EEF1AKMT2: variants seen among roughly 807,000 people sequenced by gnomAD.
The protein encoded by EEF1AKMT2 is eukaryotic translation elongation factor 1 alpha lysine methyltransferase 2.
A neutral mutation model predicts 35.8 loss-of-function variants in EEF1AKMT2; 32 were observed. The ratio of observed to expected loss-of-function variants is 0.89; its 90% CI spans 0.67 to 1.20. The LOEUF is 1.20. Among genes scored for constraint, EEF1AKMT2 ranks in the 50% most tolerant of loss-of-function variants. The probability of loss-of-function intolerance (pLI) is 0.00; values close to 1 mark genes in which losing one functional copy is unlikely to be tolerated. For synonymous variants in EEF1AKMT2, 121 were observed against 133.7 expected (o/e 0.91, Z 0.65); for missense variants, 330 against 347.5 (o/e 0.95, Z 0.40).
chr10:124,763,598 C>T (rs1260183912), intron 5 of EEF1AKMT2, among the ~76,000 whole-genome samples: 3 of 152,104 alleles, frequency 2.0e-5, no homozygotes, highest in Non-Finnish European at 2.9e-5. Flanking sequence ...TAATATTTTG[C>T]TTAAATTCTG....
chr10:124,763,736 G>A (rs1417605905), intron 5 of EEF1AKMT2, among the ~76,000 whole-genome samples: 2 of 151,990 alleles, frequency 1.3e-5, no homozygotes, highest in East Asian at 3.8e-4. Context: ...TTTGTCTGCT[G>A]GTTCTAGGAG....
chr10:124,769,013 G>C (rs1950404257), intron 4 of EEF1AKMT2, among the ~76,000 whole-genome samples: 1 of 150,536 alleles, frequency 6.6e-6, no homozygotes, highest in East Asian at 2.0e-4. Context: ...CAGATTGTTT[G>C]AGGCCAGGAA....
At chr10:124,761,330 T>C (rs1950329758) in intron 6 of EEF1AKMT2, among the ~76,000 whole-genome samples, 1 of 152,124 alleles carries the variant, frequency 6.6e-6, no homozygotes. Context: ...TGGAGAAGGG[T>C]AGTGATGACA....
chr10:124,788,790 G>C (rs918300821), intron 3 of EEF1AKMT2, among the ~76,000 whole-genome samples: 4 of 139,278 alleles, frequency 2.9e-5, no homozygotes, highest in Admixed American at 7.9e-5. Flanking sequence ...CAACCCTTAG[G>C]AAAGAACAGA....
At chr10:124,769,184 C>T (rs1370372835) in intron 4 of EEF1AKMT2, among the ~76,000 whole-genome samples, 6 of 125,056 alleles carry the variant, frequency 4.8e-5, no homozygotes, top group Non-Finnish European at 9.6e-5. Flanking sequence ...CACCACCGCA[C>T]TCCAGCCTGG....
At chr10:124,761,966 T>C (rs925155182) in intron 6 of EEF1AKMT2, among the ~76,000 whole-genome samples, 3 of 152,198 alleles carry the variant, frequency 2.0e-5, no homozygotes, top group African/African-American at 7.2e-5. Context: ...CCAATCAAGG[T>C]TTTCCCTCAT....
rs779224638 is a variant in EEF1AKMT2, at chr10:124,765,550, T to C, written c.458A>G (p.Lys153Arg). 2.5e-6 allele frequency: 4 copies of C among 1,613,990 alleles called. No individual in the cohort carries two copies. The highest frequency in any genetic ancestry group is 3.3e-5 in the Admixed American group (2 of 60,026). Residue 153 changes from lysine to arginine, a missense_variant, in exon 5 of 7, where the codon AAA becomes AGA. Coordinates refer to ENST00000368836, the MANE Select transcript of EEF1AKMT2 (RefSeq NM_212554.4). The part of the protein sequence containing the change: ...QLSGFHICID[K>R]GTFDAISLNP... ...AAGGCTTATGGCATCAAAAGTCCCT[T>C]TGTCAATACAAATATGAAATCCAGA...
chr10:124,784,977 G>A lies in EEF1AKMT2; in HGVS notation c.291+4066C>T, dbSNP rs879211834. On this transcript the variant is annotated intron_variant, in intron 3 of 6. Coordinates refer to ENST00000368836, the MANE Select transcript of EEF1AKMT2 (RefSeq NM_212554.4). The stretch of plus-strand genomic sequence containing the variant: ...TAAATGTAAAAGGTAGGCTGGGCGC[G>A]GTGGCTCACCCCTGCACCCCCAGCA... 6.0e-5 allele frequency among the ~76,000 whole-genome samples: 9 copies of A among 150,724 alleles called. 1 individual carries two copies. The South Asian group carries it at 6.3e-4, about 11-fold the overall frequency.
chr10:124,777,476 A>G (rs1418301830), intron 3 of EEF1AKMT2, among the ~76,000 whole-genome samples: 1 of 151,878 alleles, frequency 6.6e-6, no homozygotes, highest in African/African-American at 2.4e-5. Flanking sequence ...ACTGTACCGA[A>G]TACTGGAGGC....
At chr10:124,760,648 T>C (rs1461307990) in intron 6 of EEF1AKMT2, 145 bp from the exon 7 acceptor site, 1 of 617,436 alleles carries the variant, frequency 1.6e-6, no homozygotes, top group Non-Finnish European at 2.8e-6. Flanking sequence ...CACTTCATGA[T>C]TTTTCAATTC....
At chr10:124,778,935 C>A (rs1950512120) in intron 3 of EEF1AKMT2, among the ~76,000 whole-genome samples, 1 of 151,910 alleles carries the variant, frequency 6.6e-6, no homozygotes, top group Non-Finnish European at 1.5e-5. Context: ...GGAAAAGTAA[C>A]CATCAAAAAT....
At chr10:124,757,492 T>C (rs1243431995), downstream of EEF1AKMT2, among the ~76,000 whole-genome samples, 1 of 152,134 alleles carries the variant, frequency 6.6e-6, no homozygotes, top group African/African-American at 2.4e-5. Context: ...TTTCTTTGTA[T>C]ACCAATTTGA....
chr10:124,767,861 C>G lies in EEF1AKMT2; in HGVS notation c.400-2253G>C, dbSNP rs370209918. Among the ~76,000 whole-genome samples the G allele has an allele frequency of 7.9e-5, 12 of 152,244 alleles. No individual in the cohort carries two copies. The South Asian group carries it at 1.0e-3, about 13-fold the overall frequency. ...ATTAGCTGGGCGTGGTGGCGCATGCCAGTAATCCCAGCTAATCGGGAGGCT... is the reference window on the plus strand; with the variant it reads ...ATTAGCTGGGCGTGGTGGCGCATGCGAGTAATCCCAGCTAATCGGGAGGCT... On this transcript the variant is annotated intron_variant, in intron 4 of 6. Coordinates refer to ENST00000368836, the MANE Select transcript of EEF1AKMT2 (RefSeq NM_212554.4).
chr10:124,780,470 T>C (rs1255250753), intron 3 of EEF1AKMT2, among the ~76,000 whole-genome samples: 1 of 152,196 alleles, frequency 6.6e-6, no homozygotes, highest in East Asian at 1.9e-4. Flanking sequence ...AATTGCAATG[T>C]GTGGACTTAA....
chr10:124,781,006 C>T (rs1171441951), intron 3 of EEF1AKMT2, among the ~76,000 whole-genome samples: 5 of 151,664 alleles, frequency 3.3e-5, no homozygotes, highest in East Asian at 2.0e-4. Flanking sequence ...AATGCAGTGG[C>T]GCGATCTTGG....
chr10:124,784,998 C>T (rs2134141522), intron 3 of EEF1AKMT2, among the ~76,000 whole-genome samples: 1 of 150,458 alleles, frequency 6.6e-6, no homozygotes, highest in East Asian at 2.0e-4. Context: ...CCTGCACCCC[C>T]AGCACTTTGG....
chr10:124,767,175 A>C lies in EEF1AKMT2; in HGVS notation c.400-1567T>G, dbSNP rs571864228. The stretch of plus-strand genomic sequence containing the variant: ...GACTCCATCTTAAAAAAAAAAAAAA[A>C]AAAAAAAACAGTAAACAAAATAGAA... On this transcript the variant is annotated intron_variant, in intron 4 of 6. Transcript: ENST00000368836. Among the ~76,000 whole-genome samples the C allele has an allele frequency of 1.3e-3, 192 of 150,588 alleles. 1 individual carries two copies. The highest frequency in any genetic ancestry group is 4.5e-3 in the African/African-American group (183 of 40,960).
chr10:124,784,602 G>GA lies in EEF1AKMT2; in HGVS notation c.291+4440dup, dbSNP rs780296177. Among the ~76,000 whole-genome samples the GA allele has an allele frequency of 6.3e-3, 884 of 139,234 alleles. 2 individuals are homozygous for GA. The highest frequency in any genetic ancestry group is 0.043 in the Middle Eastern group (12 of 278). The allele number at this position is 139,234 out of a possible 152,430, so 91.3% of individuals were successfully genotyped here. A position where few individuals can be genotyped will look rare whatever the true frequency, so the allele number is the denominator to read the frequency against. ...AAAAGGAACAAAGTAAAATCAGGAAGAAAAAAAAAAAGAACAGAACTCAAT... is the reference window on the plus strand; with the variant it reads ...AAAAGGAACAAAGTAAAATCAGGAAGAAAAAAAAAAAAGAACAGAACTCAAT... On this transcript the variant is annotated intron_variant, in intron 3 of 6. Coordinates refer to ENST00000368836, the MANE Select transcript of EEF1AKMT2 (RefSeq NM_212554.4).
At chr10:124,787,713 TC>T (rs1039688328) in intron 3 of EEF1AKMT2, among the ~76,000 whole-genome samples, 1 of 150,594 alleles carries the variant, frequency 6.6e-6, no homozygotes, top group Non-Finnish European at 1.5e-5. Context: ...ACCAGTGCAC[TC>T]CTACCTGGGT....
Sources: gnomAD v4.1 joint callset for allele counts (sites outside exome capture counted in the v4.1 genomes callset) on GRCh38, gnomAD v4.1.1 for gene constraint, MANE v1.5 for transcripts, NCBI Gene and HGNC (gene_info 2026-07-23, HGNC 2026-07-21) for gene names.